SLC1A3: variants seen among roughly 807,000 people sequenced by gnomAD.
SLC1A3 encodes the protein solute carrier family 1 member 3.
Under a neutral mutation model 48.1 loss-of-function variants are expected in SLC1A3, and 21 were observed. The ratio of observed to expected loss-of-function variants is 0.44; its 90% CI spans 0.31 to 0.63. The LOEUF (loss-of-function observed/expected upper bound fraction) is 0.63, where lower values mean the gene tolerates loss of function less well. SLC1A3 is among the 20% of genes least tolerant of loss of function. SLC1A3 has a pLI of 0.08. For missense variants in SLC1A3, 546 were observed against 689.0 expected, an observed-to-expected ratio of 0.79 and a Z score of 2.32; for synonymous variants, 239 against 251.4, an observed-to-expected ratio of 0.95 and a Z score of 0.47.
chr5:36,659,569 G>A (rs1190602650), intron 3 of SLC1A3, among the ~76,000 whole-genome samples: 6 of 152,160 alleles, frequency 3.9e-5, no homozygotes. Flanking sequence ...TGATAAGTGG[G>A]GGGAGCCAGG....
upstream of SLC1A3, among the ~76,000 whole-genome samples, chr5:36,602,098 T>A (rs2111631587): frequency 6.6e-6 from 1 of 152,272 alleles, no homozygotes; most frequent in Admixed American, 6.5e-5. Context: ...CCCGTTGGAT[T>A]TGGGGAGTGG....
intron 3 of SLC1A3, among the ~76,000 whole-genome samples, chr5:36,641,138 A>G (rs560130025): frequency 6.6e-6 from 1 of 152,306 alleles, no homozygotes; most frequent in Admixed American, 6.5e-5. Flanking sequence ...AGAGCATGAT[A>G]CATCTTTAGT....
chr5:36,599,529 A>G (rs2731876), intron 1 of SLC1A3, among the ~76,000 whole-genome samples: 62,726 of 93,866 alleles, frequency 0.67, 17,709 homozygotes, highest in South Asian at 0.76. Context: ...TTTTTTTTTG[A>G]GACGGAGTCT....
intron 3 of SLC1A3, among the ~76,000 whole-genome samples, chr5:36,636,593 CTTCT>C (rs1447833755): frequency 3.6e-5 from 4 of 112,558 alleles, no homozygotes; most frequent in East Asian, 2.5e-4. Context: ...TTCTTCCTTT[CTTCT>C]TTCTTTTTTT....
intron 2 of SLC1A3, among the ~76,000 whole-genome samples, chr5:36,614,359 G>T (rs1438550656): frequency 1.3e-5 from 2 of 152,172 alleles, no homozygotes; most frequent in Admixed American, 1.3e-4. Context: ...GGGGGCAGAA[G>T]ATACTCACCT....
intron 1 of SLC1A3, among the ~76,000 whole-genome samples, chr5:36,599,133 A>AT (rs1738776653): frequency 6.6e-6 from 1 of 152,194 alleles, no homozygotes; most frequent in African/African-American, 2.4e-5. Context: ...GTGGCTAGTG[A>AT]TTACCATATT....
chr5:36,681,310 T>C (rs933178073), intron 8 of SLC1A3, among the ~76,000 whole-genome samples: 1 of 152,238 alleles, frequency 6.6e-6, no homozygotes, highest in Non-Finnish European at 1.5e-5. Context: ...ACTTCATCAT[T>C]CTTTTTAATG....
intron 3 of SLC1A3, among the ~76,000 whole-genome samples, chr5:36,653,670 C>T (rs1305736870): frequency 6.6e-6 from 1 of 152,150 alleles, no homozygotes; most frequent in African/African-American, 2.4e-5. Flanking sequence ...CTTTCTCAAC[C>T]TGATGCACTG....
At chr5:36,643,788 T>G (rs1345074210) in intron 3 of SLC1A3, among the ~76,000 whole-genome samples, 1 of 151,778 alleles carries the variant, frequency 6.6e-6, no homozygotes, top group Non-Finnish European at 1.5e-5. Flanking sequence ...AGGTCAAGAG[T>G]TCGAGACCAG....
intron 3 of SLC1A3, among the ~76,000 whole-genome samples, chr5:36,648,356 A>G (rs917510953): frequency 6.6e-6 from 1 of 152,214 alleles, no homozygotes; most frequent in Non-Finnish European, 1.5e-5. Flanking sequence ...TTAACGATTA[A>G]TGTAAAATTT....
chr5:36,608,070 G>A (rs543374081), intron 1 of SLC1A3: 81 of 234,370 alleles, frequency 3.5e-4, no homozygotes, highest in Admixed American at 8.6e-4. Context: ...TAGCTCTGAA[G>A]AACCCTTTTA....
At chr5:36,629,320 G>C (rs1184175895) in intron 2 of SLC1A3, 130 bp from the exon 3 acceptor site, 25 of 794,064 alleles carry the variant, frequency 3.1e-5, no homozygotes, top group Non-Finnish European at 5.2e-5. Context: ...TGCTCCCAAA[G>C]CAGCACAGAT....
chr5:36,669,065 C>T (rs1042298446), intron 3 of SLC1A3: 10 of 152,150 alleles, frequency 6.6e-5, no homozygotes, highest in Non-Finnish European at 1.2e-4. Flanking sequence ...AAAATACTGC[C>T]GCCTGGTACT....
At chr5:36,636,526 T>TC (rs1740392855) in intron 3 of SLC1A3, 1 of 150,676 alleles carries the variant, frequency 6.6e-6, no homozygotes, top group Non-Finnish European at 1.5e-5. Context: ...TCTTTCTCTC[T>TC]CTTTCCTTTT....
chr5:36,625,922 G>A (rs1464763228), intron 2 of SLC1A3, among the ~76,000 whole-genome samples: 1 of 152,210 alleles, frequency 6.6e-6, no homozygotes, highest in Non-Finnish European at 1.5e-5. Flanking sequence ...CTGACTATAA[G>A]GAGAGACACA....
intron 9 of SLC1A3, 122 bp from the exon 10 acceptor site, chr5:36,685,943 A>T: frequency 1.3e-6 from 1 of 757,382 alleles, no homozygotes; most frequent in Admixed American, 1.9e-5. Flanking sequence ...GTAATCTTGC[A>T]GTTGGTAGAT....
Position 36,687,234 on chromosome 5 carries a change from A to C in SLC1A3, c.*965A>C, listed in dbSNP as rs79304673. On this transcript the variant is annotated 3_prime_UTR_variant, in exon 10 of 10. Coordinates refer to ENST00000265113, the MANE Select transcript of SLC1A3 (RefSeq NM_004172.5). ...GAAGAATGTCTCCTGCCACTCCTCA[A>C]CTGATGATAGACTTCGAAAACAGAT... 1 of 151,106 alleles carries C rather than the reference A, an allele frequency of 6.6e-6. No homozygotes were observed. The highest frequency in any genetic ancestry group is 2.5e-5 in the African/African-American group (1 of 40,364). 9.4% of individuals were successfully genotyped at this position (151,106 alleles called of 1,614,324 possible).
intron 3 of SLC1A3, chr5:36,649,366 A>AC (rs1460298123): frequency 7.2e-5 from 11 of 151,762 alleles, no homozygotes; most frequent in African/African-American, 2.4e-4. Flanking sequence ...AAAAAAAAAA[A>AC]AGATTCTCTA....
At chr5:36,636,463 T>TTTTCTTTCTTTCTTTCTTTCTTTCTTTC (rs200426737) in intron 3 of SLC1A3, 27 of 68,596 alleles carry the variant, frequency 3.9e-4, no homozygotes, top group Admixed American at 5.2e-4. Flanking sequence ...TCTTTCTTTC[T>TTTTCTTTCTTTCTTTCTTTCTTTCTTTC]TTTCTTTCTT....
Sources: gnomAD v4.1 joint callset for allele counts (sites outside exome capture counted in the v4.1 genomes callset) on GRCh38, gnomAD v4.1.1 for gene constraint, MANE v1.5 for transcripts, NCBI Gene and HGNC (gene_info 2026-07-23, HGNC 2026-07-21) for gene names.